CCN4: variants seen among roughly 807,000 people sequenced by gnomAD.
The protein encoded by CCN4 is cellular communication network factor 4.
A neutral mutation model predicts 36.7 loss-of-function variants in CCN4; 30 were observed. The ratio of observed to expected loss-of-function variants is 0.82; its 90% CI spans 0.61 to 1.11. The LOEUF is 1.11. Ranked by LOEUF, CCN4 falls within the 50% of genes least tolerant of loss-of-function variation. The pLI is 0.00. For synonymous variants in CCN4, 191 were observed against 195.4 expected (o/e 0.98, Z 0.19); for missense variants, 505 against 504.9 (o/e 1.00, Z 0.00).
chr8:133,194,371 TGTGTGG>T, intron 1 of CCN4, among the ~76,000 whole-genome samples: 1 of 71,890 alleles, frequency 1.4e-5, no homozygotes. Flanking sequence ...TGGGGGTGTG[TGTGTGG>T]GGTGTGTGTG....
chr8:133,201,735 C>T (rs570337639), intron 1 of CCN4, among the ~76,000 whole-genome samples: 3 of 151,914 alleles, frequency 2.0e-5, no homozygotes, highest in African/African-American at 7.3e-5. Context: ...CCCAGCTACT[C>T]GGGAGGCTGA....
In CCN4 at chr8:133,226,812, A is replaced by G. The variant is rs1854753357; in HGVS notation, c.805-599A>G. Among the ~76,000 whole-genome samples, 4 of 152,182 alleles carry G rather than the reference A, an allele frequency of 2.6e-5. No homozygotes were observed. In the South Asian group the frequency reaches 8.3e-4, roughly 31 times the overall value. ...GTAGACCCTGAGAACCCTCAATCCAATGGGTTTAGTAAGTGCCTACTCTGT... is the reference window on the plus strand; with the variant it reads ...GTAGACCCTGAGAACCCTCAATCCAGTGGGTTTAGTAAGTGCCTACTCTGT... On this transcript the variant is annotated intron_variant, in intron 4 of 4. Transcript: ENST00000250160.
chr8:133,199,915 C>A (rs1853526939), intron 1 of CCN4, among the ~76,000 whole-genome samples: 1 of 152,164 alleles, frequency 6.6e-6, no homozygotes, highest in Non-Finnish European at 1.5e-5. Flanking sequence ...GTGGCAGGAG[C>A]TCCTATCAGC....
rs59929763 is a variant in CCN4 at position 133,224,229 on chromosome 8, CTTTTTTTT to C, written c.611-1139_611-1132del. On this transcript the variant is annotated intron_variant, in intron 3 of 4. Coordinates refer to ENST00000250160, the MANE Select transcript of CCN4 (RefSeq NM_003882.4). ...GATTTGAATTTGAAGCCCGTAAGTC[CTTTTTTTT>C]TTTTTTTTTTTTTTTTTTTTTGAGA... Among the ~76,000 whole-genome samples, 6 of 88,514 alleles carry C rather than the reference CTTTTTTTT, an allele frequency of 6.8e-5. 2 individuals are homozygous for C. Among genetic ancestry groups the C allele is most frequent in the Admixed American group, 2.9e-4 (2 of 6,880 alleles). The allele number at this position is 88,514 out of a possible 152,430, so 58.1% of individuals were successfully genotyped here. A position where few individuals can be genotyped will look rare whatever the true frequency, so the allele number is the denominator to read the frequency against.
In CCN4 at chr8:133,212,205, A is replaced by T. The variant is rs149626333; in HGVS notation, c.70-659A>T. ...GACAGCAAAATAAAAGGGCTCCTCC[A>T]TGTAGGGCTTGTGCTGGCAAAGGAA... is the stretch of plus-strand genomic sequence containing the variant. On this transcript the variant is annotated intron_variant, in intron 1 of 4. Transcript: ENST00000250160. Among the ~76,000 whole-genome samples, 3 of 152,242 alleles carry T rather than the reference A, an allele frequency of 2.0e-5. No individual in the cohort carries two copies. The East Asian group carries it at 5.8e-4, about 29-fold the overall frequency.
At chr8:133,193,305 T>C (rs1486254337) in intron 1 of CCN4, among the ~76,000 whole-genome samples, 1 of 152,164 alleles carries the variant, frequency 6.6e-6, no homozygotes, top group African/African-American at 2.4e-5. Flanking sequence ...TTTGAGGAAG[T>C]AGAGTTACAA....
At chr8:133,225,368 A>G in intron 3 of CCN4, 22 bp from the exon 4 acceptor site, 2 of 1,561,176 alleles carry the variant, frequency 1.3e-6, no homozygotes, top group Non-Finnish European at 1.7e-6. Context: ...AGATTCATGC[A>G]GATTCTGTTC....
intron 1 of CCN4, among the ~76,000 whole-genome samples, chr8:133,193,114 G>A (rs1484987853): frequency 2.0e-5 from 3 of 152,318 alleles, no homozygotes; most frequent in Non-Finnish European, 2.9e-5. Context: ...TGATAGAAAC[G>A]AGCTGGACTC....
Position 133,212,999 on chromosome 8 carries a change from A to G in CCN4, c.205A>G (p.Ile69Val). ...PPRCPLGVSL[I>V]TDGCECCKMC... is the part of the protein sequence containing the mutation. ...CCGCTGCCCGCTGGGGGTCAGCCTC[A>G]TCACAGATGGCTGTGAGTGCTGTAA... The change falls in exon 2 of 5, where the codon ATC becomes GTC. Residue 69 changes from isoleucine (I) to valine (V), a missense_variant. Ile to Val is a conservative substitution (Grantham distance 29). Coordinates refer to ENST00000250160, the MANE Select transcript of CCN4 (RefSeq NM_003882.4). 11 of 1,614,124 alleles carry G rather than the reference A, an allele frequency of 6.8e-6. No homozygotes were observed. The highest frequency in any genetic ancestry group is 9.3e-6 in the Non-Finnish European group (11 of 1,180,012).
In CCN4 at chr8:133,225,507, C is replaced by G. The variant is rs1207122916; in HGVS notation, c.728C>G (p.Ala243Gly). The change falls in exon 4 of 5, where the codon GCC becomes GGC. Residue 243 changes from alanine to glycine, a missense_variant. Coordinates refer to ENST00000250160, the MANE Select transcript of CCN4 (RefSeq NM_003882.4). ...TCCACTCGGATCTCCAATGTTAACG[C>G]CCAGTGCTGGCCTGAGCAAGAGAGC... ...GVSTRISNVN[A>G]QCWPEQESRL... is the part of the protein sequence containing the mutation. The G allele has an allele frequency of 6.2e-7, 1 of 1,614,128 alleles. No individual in the cohort carries two copies. The highest frequency in any genetic ancestry group is 1.3e-5 in the African/African-American group (1 of 75,052).
chr8:133,194,399 G>T (rs1209697641), intron 1 of CCN4, among the ~76,000 whole-genome samples: 5 of 111,652 alleles, frequency 4.5e-5, no homozygotes, highest in Non-Finnish European at 7.3e-5. Context: ...GGTGTGTGGG[G>T]GTGTGTGTGG....
chr8:133,220,856 G>A lies in CCN4; in HGVS notation c.610+15G>A, dbSNP rs753136706. 2.8e-5 allele frequency: 44 copies of A among 1,588,728 alleles called. No individual in the cohort carries two copies. The highest frequency in any genetic ancestry group is 1.5e-4 in the Admixed American group (9 of 59,240). On this transcript the variant is annotated intron_variant, in intron 3 of 4. Transcript: ENST00000250160. Reference sequence around the variant, plus strand: ...AGGAGCCTTCGGTGGGTGTGGGCCCGAGTGGGCTGGGGGTGGGACCCTACA... The same window carrying A: ...AGGAGCCTTCGGTGGGTGTGGGCCCAAGTGGGCTGGGGGTGGGACCCTACA...
At chr8:133,223,953 T>C (rs973175438) in intron 3 of CCN4, among the ~76,000 whole-genome samples, 2 of 151,826 alleles carry the variant, frequency 1.3e-5, no homozygotes, top group Non-Finnish European at 2.9e-5. Flanking sequence ...CATCCAAGAG[T>C]GGGTAGTTGA....
chr8:133,204,270 G>T (rs1268161723), intron 1 of CCN4, among the ~76,000 whole-genome samples: 2 of 152,160 alleles, frequency 1.3e-5, no homozygotes, highest in Non-Finnish European at 2.9e-5. Flanking sequence ...TTACAGAGCA[G>T]TTGTGTCACC....
At chr8:133,202,883 G>A (rs1023565805) in intron 1 of CCN4, among the ~76,000 whole-genome samples, 1 of 152,240 alleles carries the variant, frequency 6.6e-6, no homozygotes, top group African/African-American at 2.4e-5. Flanking sequence ...CTGACTCAGA[G>A]GCACCCGATG....
rs74874860 is a variant in CCN4 at position 133,199,665 on chromosome 8, C to T, written c.69+8452C>T. Among the ~76,000 whole-genome samples the T allele has an allele frequency of 2.2e-3, 330 of 152,292 alleles. 5 individuals are homozygous for T. The highest frequency in any genetic ancestry group is 7.6e-3 in the African/African-American group (314 of 41,560). ...GCAGCCACCTGTCTTCCCAGCCATG[C>T]TATTTGTATTTAAATCTGTCGCCTA... On this transcript the variant is annotated intron_variant, in intron 1 of 4. Coordinates refer to ENST00000250160, the MANE Select transcript of CCN4 (RefSeq NM_003882.4).
chr8:133,221,968 G>A (rs1854548843), intron 3 of CCN4, among the ~76,000 whole-genome samples: 1 of 150,524 alleles, frequency 6.6e-6, no homozygotes, highest in Non-Finnish European at 1.5e-5. Flanking sequence ...GTAGACGAGG[G>A]GACAGATGGA....
rs931669732 is a variant in CCN4 at position 133,227,938 on chromosome 8, T to G, written c.*228T>G. The G allele has an allele frequency of 3.7e-6, 2 of 539,232 alleles. No individual in the cohort carries two copies. Among genetic ancestry groups the G allele is most frequent in the African/African-American group, 3.8e-5 (2 of 52,878 alleles). The allele number at this position is 539,232 out of a possible 1,614,324, so 33.4% of individuals were successfully genotyped here. ...TCTACTCTAAAGAAAAATGCCTGTC[T>G]CTAGCTGTTCTGGACTACACCCAAG... On this transcript the variant is annotated 3_prime_UTR_variant, in exon 5 of 5. Transcript: ENST00000250160.
chr8:133,192,513 GC>G (rs1368473449), intron 1 of CCN4, among the ~76,000 whole-genome samples: 1 of 152,208 alleles, frequency 6.6e-6, no homozygotes, highest in Non-Finnish European at 1.5e-5. Flanking sequence ...TTGCCCAGGA[GC>G]TCCTCATTAA....
Sources: allele counts gnomAD v4.1 joint callset (sites outside exome capture counted in the v4.1 genomes callset), GRCh38; gene constraint gnomAD v4.1.1; transcripts MANE v1.5; gene names NCBI Gene and HGNC (gene_info 2026-07-23, HGNC 2026-07-21).